The following FMO5 variants were observed in gnomAD, a reference collection of about 807,000 sequenced individuals.
FMO5 encodes flavin-containing monooxygenase 5.
In FMO5, 51 loss-of-function variants were observed where a neutral mutation model predicts 43.6. The ratio of observed to expected loss-of-function variants is 1.17; its 90% CI spans 0.93 to 1.48. The LOEUF (loss-of-function observed/expected upper bound fraction) is 1.48. Among genes scored for constraint, FMO5 ranks in the 40% most tolerant of loss-of-function variants. The pLI is 0.00. For synonymous variants in FMO5, 187 were observed against 216.5 expected (o/e 0.86, Z 1.20); for missense variants, 644 against 643.0 (o/e 1.00, Z -0.02).
intron 7 of FMO5, among the ~76,000 whole-genome samples, chr1:147,190,938 G>GT (rs1169034321): frequency 6.6e-6 from 1 of 151,902 alleles, no homozygotes; most frequent in Non-Finnish European, 1.5e-5. Context: ...GCGGTGTTTG[G>GT]TTTTTTCTCC....
Position 147,187,213 on chromosome 1 carries a change from C to G in FMO5, c.1289G>C (p.Gly430Ala), listed in dbSNP as rs782302089. Residue 430 changes from glycine to alanine, a missense_variant, in exon 9 of 9, where the codon GGA becomes GCA. By Grantham distance (60) the Gly-to-Ala change is moderately conservative. Coordinates refer to ENST00000254090, the MANE Select transcript of FMO5 (RefSeq NM_001461.4). The part of the protein sequence containing the change: ...YVESQRHTIQ[G>A]DYIDTMEELA... ...CTCTTCCATGGTATCTATGTAGTCT[C>G]CCTGAATGGTATGGCGTTGGCTCTC... is the stretch of plus-strand genomic sequence containing the variant. 2.7e-5 allele frequency: 43 copies of G among 1,613,196 alleles called. No homozygotes were observed. Among genetic ancestry groups the G allele is most frequent in the Non-Finnish European group, 3.6e-5 (42 of 1,179,658 alleles).
rs1290173183 is a variant in FMO5, at chr1:147,224,807, G to A, written c.135+88C>T. ...TTACAGGCGTGTGCCAACCGCGCCC[G>A]GCCACCTGACACTGTTAAGATAAAC... is the stretch of plus-strand genomic sequence containing the variant. On this transcript the variant is annotated intron_variant, in intron 2 of 8. Transcript: ENST00000254090. The A allele has an allele frequency of 5.1e-5, 70 of 1,368,586 alleles. 1 individual carries two copies. In the Admixed American group the frequency reaches 1.1e-3, roughly 22 times the overall value. 84.8% of individuals were successfully genotyped at this position (1,368,586 alleles called of 1,614,324 possible).
At chr1:147,217,097 G>A (rs1394044399) in intron 2 of FMO5, among the ~76,000 whole-genome samples, 3 of 151,914 alleles carry the variant, frequency 2.0e-5, no homozygotes, top group African/African-American at 7.3e-5. Flanking sequence ...AAAATTAGCC[G>A]GGCGTGGTGG....
chr1:147,209,437 C>CAA (rs34426233), intron 5 of FMO5, among the ~76,000 whole-genome samples: 24,669 of 109,798 alleles, frequency 0.22, 3,545 homozygotes, highest in Middle Eastern at 0.3. Flanking sequence ...GACTCCGTCT[C>CAA]AAAAAAAAAA....
At chr1:147,220,690 T>G (rs1038210801) in intron 2 of FMO5, among the ~76,000 whole-genome samples, 1 of 152,196 alleles carries the variant, frequency 6.6e-6, no homozygotes, top group Non-Finnish European at 1.5e-5. Context: ...TTTTAACGCA[T>G]GTTGAGTTGA....
intron 6 of FMO5, chr1:147,203,544 C>T: frequency 1.1e-6 from 1 of 942,700 alleles, no homozygotes; most frequent in South Asian, 1.3e-5. Context: ...CTTCATTGGC[C>T]TTAACTCCAG....
chr1:147,195,712 T>C (rs1657873574), intron 7 of FMO5, among the ~76,000 whole-genome samples: 1 of 152,150 alleles, frequency 6.6e-6, no homozygotes, highest in African/African-American at 2.4e-5. Context: ...GACTATGCCA[T>C]GTAGAAGATT....
chr1:147,195,226 TAA>T (rs1375458145), intron 7 of FMO5, among the ~76,000 whole-genome samples: 2 of 152,164 alleles, frequency 1.3e-5, no homozygotes, highest in Admixed American at 6.5e-5. Flanking sequence ...CTTTTTTCTC[TAA>T]ACTTCCCTTC....
intron 2 of FMO5, among the ~76,000 whole-genome samples, chr1:147,217,842 T>A (rs948150755): frequency 6.6e-6 from 1 of 152,170 alleles, no homozygotes; most frequent in Non-Finnish European, 1.5e-5. Flanking sequence ...AAGACCTCCA[T>A]AATGTTTTGT....
rs868955887 is a variant in FMO5 at position 147,224,982 on chromosome 1, G to A, written c.48C>T (p.Leu16=). 1 of 1,614,004 alleles carries A rather than the reference G, an allele frequency of 6.2e-7. No homozygotes were observed. Among genetic ancestry groups the A allele is most frequent in the Non-Finnish European group, 8.5e-7 (1 of 1,180,000 alleles). The change falls in exon 2 of 9, where the codon CTC becomes CTT. Residue 16 remains leucine, a synonymous_variant. Coordinates refer to ENST00000254090, the MANE Select transcript of FMO5 (RefSeq NM_001461.4). ...IAVIGGGVSG[L]SSIKCCVEEG... is the part of the protein sequence containing the mutation. ...CTTCTACGCAGCACTTGATGGAAGA[G>A]AGCCCGCTCACTCCTCCCCCAATCA...
At chr1:147,207,987 C>A (rs1182752610) in intron 6 of FMO5, among the ~76,000 whole-genome samples, 1 of 152,154 alleles carries the variant, frequency 6.6e-6, no homozygotes, top group Non-Finnish European at 1.5e-5. Flanking sequence ...CTTTCTTCAG[C>A]CTCTCAGCTT....
In FMO5 at chr1:147,209,010, A is replaced by G. The variant is rs1553923130; in HGVS notation, c.672T>C (p.Arg224=). ...CAGCAGGATATCCGTAGTCCCCTAC[A>G]CGATTCAGGATCCAAGCCCCTCTCC... The part of the protein sequence containing the change: ...STRRGAWILN[R]VGDYGYPADV... The change falls in exon 6 of 9, where the codon CGT becomes CGC. Residue 224 remains arginine (R), a synonymous_variant. Transcript: ENST00000254090. 1 of 1,614,106 alleles carries G rather than the reference A, an allele frequency of 6.2e-7. No individual in the cohort carries two copies. The highest frequency in any genetic ancestry group is 1.3e-5 in the African/African-American group (1 of 74,944).
chr1:147,213,277 C>T (rs367631569), intron 4 of FMO5, 31 bp downstream of exon 4: 67 of 1,579,508 alleles, frequency 4.2e-5, no homozygotes, highest in Non-Finnish European at 5.5e-5. Context: ...AGGCATGGGT[C>T]AAGGGTCTTC....
intron 2 of FMO5, among the ~76,000 whole-genome samples, chr1:147,219,527 T>G (rs1224245827): frequency 6.6e-6 from 1 of 152,150 alleles, no homozygotes. Flanking sequence ...ACCAACATCA[T>G]ACTTAACAGT....
chr1:147,192,833 G>A (rs1279292460), intron 7 of FMO5, among the ~76,000 whole-genome samples: 1 of 152,116 alleles, frequency 6.6e-6, no homozygotes, highest in Non-Finnish European at 1.5e-5. Context: ...TGTGTATGTT[G>A]AACCAGCCTT....
At chr1:147,193,264 C>T (rs1388585249) in intron 7 of FMO5, among the ~76,000 whole-genome samples, 1 of 152,112 alleles carries the variant, frequency 6.6e-6, no homozygotes, top group African/African-American at 2.4e-5. Context: ...AGGAATTTAT[C>T]CGTTTCTTCT....
intron 7 of FMO5, among the ~76,000 whole-genome samples, chr1:147,195,139 G>T (rs587650280): frequency 7.9e-5 from 12 of 152,176 alleles, no homozygotes; most frequent in Non-Finnish European, 1.3e-4. Context: ...TCACTTTCAG[G>T]TTCACCAATC....
At chr1:147,203,670 G>C in intron 6 of FMO5, 2 of 1,451,372 alleles carry the variant, frequency 1.4e-6, no homozygotes, top group Admixed American at 3.4e-5. Context: ...GATGTGATCT[G>C]TTTGGCTAAT....
At chr1:147,196,058 A>G (rs920391341) in intron 7 of FMO5, among the ~76,000 whole-genome samples, 2 of 152,166 alleles carry the variant, frequency 1.3e-5, no homozygotes, top group Non-Finnish European at 2.9e-5. Flanking sequence ...ACATTTGGAA[A>G]TGATTGTCAT....
Sources: allele counts gnomAD v4.1 joint callset (sites outside exome capture counted in the v4.1 genomes callset), GRCh38; gene constraint gnomAD v4.1.1; transcripts MANE v1.5; gene names NCBI Gene and HGNC (gene_info 2026-07-23, HGNC 2026-07-21).